Variants in MCM5 observed in about 807,000 individuals in gnomAD.
The protein encoded by MCM5 is minichromosome maintenance complex component 5, also known as DNA replication licensing factor MCM5.
Under a neutral mutation model 79.9 loss-of-function variants are expected in MCM5, and 46 were observed. That is an observed-to-expected ratio of 0.58 (90% confidence interval 0.45 to 0.74). The LOEUF is 0.74. Among genes scored for constraint, MCM5 ranks in the 30% least tolerant of loss-of-function variants. The pLI is 0.00. For missense variants in MCM5, 883 were observed against 1,017.0 expected, an observed-to-expected ratio of 0.87 and a Z score of 1.79; for synonymous variants, 404 against 390.5, an observed-to-expected ratio of 1.03 and a Z score of -0.41.
downstream of MCM5, among the ~76,000 whole-genome samples, chr22:35,430,000 G>A (rs1196074812): frequency 6.6e-6 from 1 of 152,182 alleles, no homozygotes; most frequent in African/African-American, 2.4e-5. Flanking sequence ...TGTTAACACC[G>A]AAAGTCTTGC....
rs1209635333 is a variant in MCM5 at position 35,413,999 on chromosome 22, G to C, written c.1203+13G>C. 1 of 1,580,032 alleles carries C rather than the reference G, an allele frequency of 6.3e-7. No individual in the cohort carries two copies. The highest frequency in any genetic ancestry group is 1.3e-5 in the African/African-American group (1 of 74,320). ...TTCTCCCATTGGGGTGAGTGGCCTG[G>C]GATACCTTTGCCACCTTGGCTTGCA... On this transcript the variant is annotated intron_variant, in intron 9 of 16. Coordinates refer to ENST00000216122, the MANE Select transcript of MCM5 (RefSeq NM_006739.4).
the MCM5 span, among the ~76,000 whole-genome samples, chr22:35,431,031 C>G: frequency 1.3e-5 from 2 of 152,150 alleles, no homozygotes; most frequent in African/African-American, 2.4e-5. Flanking sequence ...TGCAGCCTCC[C>G]GCACCCACCC....
the MCM5 span, among the ~76,000 whole-genome samples, chr22:35,431,674 G>A: frequency 0.13 from 20,069 of 152,002 alleles, 1,397 homozygotes; most frequent in East Asian, 0.15. Flanking sequence ...CTAGCACGCA[G>A]CCCTAAGGTT....
In MCM5 at chr22:35,410,855, C is replaced by G; in HGVS notation, c.864C>G (p.Gly288=). The G allele has an allele frequency of 6.2e-7, 1 of 1,613,404 alleles. No individual in the cohort carries two copies. The highest frequency in any genetic ancestry group is 8.5e-7 in the Non-Finnish European group (1 of 1,179,494). ...GGGGCCGTGACAGGGTGGGCGTGGG[C>G]ATCCGAAGCTCCTACATCCGTGTCC... ...TSRGRDRVGV[G]IRSSYIRVLG... Residue 288 remains glycine, a synonymous_variant, in exon 7 of 17, where the codon GGC becomes GGG. Transcript: ENST00000216122.
At chr22:35,454,405 C>G in the MCM5 span, among the ~76,000 whole-genome samples, 1 of 152,210 alleles carries the variant, frequency 6.6e-6, no homozygotes, top group Non-Finnish European at 1.5e-5. Flanking sequence ...CCCCTCCCCT[C>G]TCTCTTCTTT....
chr22:35,403,655 C>T, intron 4 of MCM5, 113 bp downstream of exon 4: 1 of 1,305,184 alleles, frequency 7.7e-7, no homozygotes, highest in East Asian at 2.4e-5. Context: ...GAACCTGTCT[C>T]CTCCTGGAGA....
chr22:35,428,970 CTTTTTTTTTTTT>C (rs35549972), downstream of MCM5, among the ~76,000 whole-genome samples: 35 of 65,530 alleles, frequency 5.3e-4, 1 homozygote, highest in Middle Eastern at 0.019. Context: ...TTTCTTTGAC[CTTTTTTTTTTTT>C]TTTTTTTTTT....
the MCM5 span, among the ~76,000 whole-genome samples, chr22:35,440,773 C>T: frequency 1.3e-5 from 2 of 152,052 alleles, no homozygotes; most frequent in Non-Finnish European, 2.9e-5. Flanking sequence ...AAAGTAAGAT[C>T]CTGCCTGGGT....
chr22:35,445,324 G>GTTTTT, the MCM5 span, among the ~76,000 whole-genome samples: 3 of 44,372 alleles, frequency 6.8e-5, no homozygotes, highest in South Asian at 5.4e-4. Context: ...ATTTGACTAT[G>GTTTTT]CTTTTTTTTT....
chr22:35,402,903 C>G (rs958076676), intron 2 of MCM5, among the ~76,000 whole-genome samples: 2 of 152,180 alleles, frequency 1.3e-5, no homozygotes, highest in Admixed American at 1.3e-4. Context: ...CTGCGGAGTC[C>G]TTCAGTGACA....
At chr22:35,445,596 G>A in the MCM5 span, among the ~76,000 whole-genome samples, 1 of 150,938 alleles carries the variant, frequency 6.6e-6, no homozygotes, top group Non-Finnish European at 1.5e-5. Flanking sequence ...TGCAAGCTCT[G>A]CCTCCTGGGT....
intron 15 of MCM5, chr22:35,422,146 G>A (rs1002251062): frequency 1.3e-5 from 2 of 155,896 alleles, no homozygotes; most frequent in African/African-American, 4.8e-5. Context: ...TCAATCACAG[G>A]GTCCCGGCCC....
rs78872716 is a variant in MCM5, at chr22:35,400,361, C to G, written c.-8-70C>G. 237 of 1,574,412 alleles carry G rather than the reference C, an allele frequency of 1.5e-4. 1 individual carries two copies. The East Asian group carries it at 4.4e-3, about 29-fold the overall frequency. On this transcript the variant is annotated intron_variant, in intron 1 of 16. Coordinates refer to ENST00000216122, the MANE Select transcript of MCM5 (RefSeq NM_006739.4). ...CCTGCTCCGGACTCAGGGCAGGGAC[C>G]CAGGCGTCGGAGGGGAGGAGGTGCC... is the stretch of plus-strand genomic sequence containing the variant.
At chr22:35,406,305 C>CCA (rs1555903442) in intron 4 of MCM5, among the ~76,000 whole-genome samples, 1 of 144,876 alleles carries the variant, frequency 6.9e-6, no homozygotes, top group Admixed American at 6.9e-5. Flanking sequence ...CACCTCCCCC[C>CCA]CCAATTGTGC....
At position 35,416,511 on chromosome 22, in the gene MCM5, CTGTGTGTGTGTGTG is replaced by C. The variant is rs133421; in HGVS notation, c.1414-79_1414-66del. 8.9e-3 allele frequency: 9,147 copies of C among 1,023,332 alleles called. 102 individuals carry two copies. The highest frequency in any genetic ancestry group is 0.047 in the African/African-American group (2,641 of 56,142). The allele number at this position is 1,023,332 out of a possible 1,614,324, so 63.4% of individuals were successfully genotyped here. A position where few individuals can be genotyped will look rare whatever the true frequency, so the allele number is the denominator to read the frequency against. On this transcript the variant is annotated intron_variant, in intron 11 of 16. Transcript: ENST00000216122. ...AGTTCTCTTTGCCCAGGCCTAGAAT[CTGTGTGTGTGTGTG>C]TGTGTGTGTGTGTGTGTGTGTGTGT... is the stretch of plus-strand genomic sequence containing the variant.
chr22:35,433,577 T>C, the MCM5 span, among the ~76,000 whole-genome samples: 2 of 152,212 alleles, frequency 1.3e-5, no homozygotes, highest in African/African-American at 4.8e-5. Context: ...TGGCATTGGT[T>C]GCCACGTGTT....
chr22:35,414,321 A>G (rs1932475973), intron 9 of MCM5, among the ~76,000 whole-genome samples: 1 of 152,178 alleles, frequency 6.6e-6, no homozygotes, highest in South Asian at 2.1e-4. Context: ...TATTGTTATC[A>G]TTAATAGCTA....
rs562561564 is a variant in MCM5 at position 35,412,736 on chromosome 22, G to A, written c.1091+55G>A. The A allele has an allele frequency of 5.6e-4, 759 of 1,353,982 alleles. 14 individuals carry two copies. In the East Asian group the frequency reaches 0.02, roughly 36 times the overall value. The allele number at this position is 1,353,982 out of a possible 1,614,324, so 83.9% of individuals were successfully genotyped here. A position where few individuals can be genotyped will look rare whatever the true frequency, so the allele number is the denominator to read the frequency against. On this transcript the variant is annotated intron_variant, in intron 8 of 16. Coordinates refer to ENST00000216122, the MANE Select transcript of MCM5 (RefSeq NM_006739.4). ...GAGGCGGCTGATGATGGGGCTCACAGTAGGATAATTACTGGATAATCAGGA... is the reference window on the plus strand; with the variant it reads ...GAGGCGGCTGATGATGGGGCTCACAATAGGATAATTACTGGATAATCAGGA...
In MCM5 at chr22:35,403,265, G is replaced by T. The variant is rs1390931234; in HGVS notation, c.226G>T (p.Asp76Tyr). The change falls in exon 3 of 17, where the codon GAT (aspartate) becomes TAT (tyrosine). Residue 76 changes from aspartate to tyrosine, a missense_variant. Transcript: ENST00000216122. ...GTACTGGATTGAGGTGGAGATGGAG[G>T]ATCTGGCCAGCTTTGATGAGGACCT... ...GEYWIEVEME[D>Y]LASFDEDLAD... 3 of 1,614,166 alleles carry T rather than the reference G, an allele frequency of 1.9e-6. No individual in the cohort carries two copies. Among genetic ancestry groups the T allele is most frequent in the Admixed American group, 3.3e-5 (2 of 60,020 alleles).
Sources: gnomAD v4.1 joint callset for allele counts (sites outside exome capture counted in the v4.1 genomes callset) on GRCh38, gnomAD v4.1.1 for gene constraint, MANE v1.5 for transcripts, NCBI Gene and HGNC (gene_info 2026-07-23, HGNC 2026-07-21) for gene names.